GLMN: variants seen among roughly 807,000 people sequenced by gnomAD.
The protein encoded by GLMN is glomulin.
Under a neutral mutation model 87.8 loss-of-function variants are expected in GLMN, and 75 were observed. The observed-to-expected ratio is 0.85, with a 90% CI of 0.71 to 1.04. The LOEUF (loss-of-function observed/expected upper bound fraction) is 1.04, where lower values mean the gene tolerates loss of function less well. Among genes scored for constraint, GLMN ranks in the 50% least tolerant of loss-of-function variants. GLMN has a pLI of 0.00. For synonymous variants in GLMN, 206 were observed against 221.6 expected (o/e 0.93, Z 0.63); for missense variants, 588 against 658.8 (o/e 0.89, Z 1.18).
the GLMN span, among the ~76,000 whole-genome samples, chr1:92,310,724 C>G: frequency 6.6e-6 from 1 of 152,078 alleles, no homozygotes; most frequent in Non-Finnish European, 1.5e-5. Context: ...TGACAAAACC[C>G]TATCTCTACT....
chr1:92,346,001 A>G, the GLMN span: 5 of 930,154 alleles, frequency 5.4e-6, no homozygotes, highest in Non-Finnish European at 8.5e-6. Context: ...TGATTTTGTA[A>G]ACTGCCTTGG....
intron 7 of GLMN, among the ~76,000 whole-genome samples, chr1:92,277,826 A>T (rs1647467950): frequency 6.6e-6 from 1 of 152,100 alleles, no homozygotes; most frequent in South Asian, 2.1e-4. Flanking sequence ...TAAACCACTA[A>T]ATGTAAGTAA....
intron 6 of GLMN, 26 bp from the exon 7 acceptor site, chr1:92,286,618 T>C (rs749931342): frequency 2.9e-6 from 3 of 1,050,710 alleles, no homozygotes; most frequent in South Asian, 1.3e-5. Flanking sequence ...TAGGTAACTA[T>C]GAAATCAACA....
chr1:92,283,454 T>C (rs1397603793), intron 7 of GLMN, among the ~76,000 whole-genome samples: 2 of 152,160 alleles, frequency 1.3e-5, no homozygotes, highest in African/African-American at 2.4e-5. Context: ...AAACTAGGTA[T>C]TGATGGAACG....
chr1:92,298,466 T>C (rs1650430559), intron 1 of GLMN, among the ~76,000 whole-genome samples: 1 of 152,132 alleles, frequency 6.6e-6, no homozygotes, highest in Non-Finnish European at 1.5e-5. Context: ...TCAGGGGATT[T>C]TTCATTTTTA....
the GLMN span, among the ~76,000 whole-genome samples, chr1:92,332,434 T>C: frequency 0.014 from 2,110 of 152,262 alleles, 58 homozygotes; most frequent in African/African-American, 0.047. Flanking sequence ...TCCCTGAGGA[T>C]TGATCTCTGT....
intron 7 of GLMN, among the ~76,000 whole-genome samples, chr1:92,276,527 C>T (rs955451903): frequency 1.3e-5 from 2 of 151,462 alleles, no homozygotes; most frequent in African/African-American, 4.8e-5. Context: ...CCAGGTGGGA[C>T]GATGTGTGCC....
At chr1:92,261,888 C>G (rs187410237) in intron 16 of GLMN, among the ~76,000 whole-genome samples, 1 of 146,352 alleles carries the variant, frequency 6.8e-6, no homozygotes, top group Non-Finnish European at 1.5e-5. Context: ...ATCATAGACT[C>G]TAGGTGGTGG....
intron 7 of GLMN, among the ~76,000 whole-genome samples, chr1:92,281,872 A>G (rs535118741): frequency 6.6e-6 from 1 of 152,330 alleles, no homozygotes; most frequent in Admixed American, 6.5e-5. Context: ...CAAAAGAGAC[A>G]AAGAAGGCCA....
chr1:92,308,077 CAA>C, the GLMN span, among the ~76,000 whole-genome samples: 141 of 135,960 alleles, frequency 1.0e-3, no homozygotes, highest in African/African-American at 3.5e-3. Flanking sequence ...AGCTCTGGCT[CAA>C]AAAAAAAAAA....
the GLMN span, among the ~76,000 whole-genome samples, chr1:92,368,716 A>G: frequency 6.6e-6 from 1 of 152,228 alleles, no homozygotes; most frequent in South Asian, 2.1e-4. Flanking sequence ...CCTGTTAACC[A>G]GATGTTGTTT....
chr1:92,257,246 AAG>A (rs1199440795), intron 16 of GLMN, among the ~76,000 whole-genome samples: 3 of 151,798 alleles, frequency 2.0e-5, no homozygotes, highest in Non-Finnish European at 4.4e-5. Flanking sequence ...TCAAAGAAAT[AAG>A]AGAGGACACA....
the GLMN span, chr1:92,304,211 G>A: frequency 3.4e-6 from 4 of 1,175,622 alleles, no homozygotes; most frequent in Non-Finnish European, 5.0e-6. Context: ...ATATGTAGAT[G>A]ACTTAATCTT....
chr1:92,301,567 A>G (rs770499188), upstream of GLMN: 4 of 1,523,752 alleles, frequency 2.6e-6, no homozygotes, highest in African/African-American at 2.8e-5. Context: ...GGAGAATATT[A>G]CAGAAGAGTT....
intron 16 of GLMN, among the ~76,000 whole-genome samples, chr1:92,262,340 T>TTCTATTTATGGAATACTTC (rs1655151421): frequency 2.6e-5 from 4 of 152,222 alleles, no homozygotes; most frequent in African/African-American, 4.8e-5. Flanking sequence ...TCAAATAGTT[T>TTCTATTTATGGAATACTTC]TCTATTTATT....
chr1:92,268,029 A>G (rs748340543), intron 10 of GLMN, 27 bp from the exon 11 acceptor site: 11 of 1,414,220 alleles, frequency 7.8e-6, no homozygotes, highest in Non-Finnish European at 1.1e-5. Flanking sequence ...ATGCAGATAC[A>G]TATATAGTGA....
the GLMN span, among the ~76,000 whole-genome samples, chr1:92,341,364 T>C: frequency 2.2e-4 from 34 of 152,176 alleles, no homozygotes; most frequent in Non-Finnish European, 3.7e-4. Context: ...CCCTTTTGAA[T>C]TGTCACTCAA....
the GLMN span, chr1:92,323,555 A>C: frequency 6.2e-7 from 1 of 1,613,090 alleles, no homozygotes; most frequent in Non-Finnish European, 8.5e-7. Context: ...TCTAGCACTC[A>C]CAGTGATAGT....
chr1:92,298,553 A>G (rs528868870), intron 1 of GLMN, among the ~76,000 whole-genome samples: 25 of 152,176 alleles, frequency 1.6e-4, no homozygotes, highest in African/African-American at 5.8e-4. Flanking sequence ...CCTCCATTCC[A>G]TTTCTCTCTA....
Sources: allele counts gnomAD v4.1 joint callset (sites outside exome capture counted in the v4.1 genomes callset), GRCh38; gene constraint gnomAD v4.1.1; transcripts MANE v1.5; gene names NCBI Gene and HGNC (gene_info 2026-07-23, HGNC 2026-07-21).